The following DIAPH1 variants were observed in gnomAD, a reference collection of about 807,000 sequenced individuals.
DIAPH1 encodes the protein protein diaphanous homolog 1.
In DIAPH1, 46 loss-of-function variants were observed where a neutral mutation model predicts 140.7. That is an observed-to-expected ratio of 0.33 (90% CI 0.26 to 0.42). The LOEUF is 0.42. Among genes scored for constraint, DIAPH1 ranks in the 10% least tolerant of loss-of-function variants. The pLI is 1.00. For synonymous variants in DIAPH1, 565 were observed against 551.6 expected, an observed-to-expected ratio of 1.02 and a Z score of -0.34; for missense variants, 1,310 against 1,558.7, an observed-to-expected ratio of 0.84 and a Z score of 2.69.
intron 18 of DIAPH1, among the ~76,000 whole-genome samples, chr5:141,560,127 T>C (rs1315434921): frequency 2.0e-5 from 3 of 152,222 alleles, no homozygotes; most frequent in African/African-American, 7.2e-5. Flanking sequence ...GTATAGTTCA[T>C]TTGGATCAAG....
At chr5:141,560,422 T>G (rs926434693) in intron 18 of DIAPH1, among the ~76,000 whole-genome samples, 4 of 152,210 alleles carry the variant, frequency 2.6e-5, no homozygotes, top group African/African-American at 9.7e-5. Flanking sequence ...TCTGGCTTGG[T>G]GTTTACTTGC....
At chr5:141,567,535 T>G (rs184078053) in intron 18 of DIAPH1, among the ~76,000 whole-genome samples, 10 of 152,308 alleles carry the variant, frequency 6.6e-5, no homozygotes, top group Admixed American at 3.3e-4. Flanking sequence ...AGTCCTAATC[T>G]TACCGATTTG....
chr5:141,608,420 T>C (rs1030055460), intron 1 of DIAPH1, among the ~76,000 whole-genome samples: 6 of 152,380 alleles, frequency 3.9e-5, no homozygotes, highest in South Asian at 4.1e-4. Context: ...TTCCACTTAA[T>C]TCCCTCACTT....
At chr5:141,561,878 A>G (rs575007141) in intron 18 of DIAPH1, 2 of 152,334 alleles carry the variant, frequency 1.3e-5, no homozygotes, top group African/African-American at 4.8e-5. Context: ...CAGAACAAAA[A>G]CTGAAATGGA....
At chr5:141,575,773 G>T (rs942367111) in intron 14 of DIAPH1, among the ~76,000 whole-genome samples, 1 of 151,990 alleles carries the variant, frequency 6.6e-6, no homozygotes, top group African/African-American at 2.4e-5. Flanking sequence ...GGTATTTAAC[G>T]AGGACGACCA....
Position 141,525,953 on chromosome 5 carries a change from A to G in DIAPH1, c.3574+85T>C. The G allele has an allele frequency of 1.1e-5, 18 of 1,601,822 alleles. 1 individual carries two copies. In the South Asian group the frequency reaches 2.0e-4, roughly 18 times the overall value. ...ATCATTTGCCAGGAGGTGAGCTCAG[A>G]CATGAGACTCTGCCTCTAGACTCTA... is the stretch of plus-strand genomic sequence containing the variant. On this transcript the variant is annotated intron_variant, in intron 26 of 27. Coordinates refer to ENST00000389054, the MANE Select transcript of DIAPH1 (RefSeq NM_005219.5).
At chr5:141,593,815 C>T (rs914066712) in intron 1 of DIAPH1, among the ~76,000 whole-genome samples, 1 of 152,124 alleles carries the variant, frequency 6.6e-6, no homozygotes, top group Non-Finnish European at 1.5e-5. Flanking sequence ...GGAGCAAGAA[C>T]TTTCTTTTCT....
At chr5:141,591,288 C>T (rs2099898354) in intron 1 of DIAPH1, among the ~76,000 whole-genome samples, 1 of 152,074 alleles carries the variant, frequency 6.6e-6, no homozygotes, top group South Asian at 2.1e-4. Flanking sequence ...GTAAAAGGCA[C>T]TTGCCTGTCT....
chr5:141,520,811 G>A (rs1398875381), intron 27 of DIAPH1, among the ~76,000 whole-genome samples: 2 of 152,184 alleles, frequency 1.3e-5, no homozygotes, highest in African/African-American at 4.8e-5. Flanking sequence ...CACGCAGGCT[G>A]AGGGGAAACA....
At chr5:141,572,804 C>T (rs370597909) in intron 16 of DIAPH1, among the ~76,000 whole-genome samples, 1 of 151,916 alleles carries the variant, frequency 6.6e-6, no homozygotes, top group African/African-American at 2.4e-5. Flanking sequence ...TAACTCACAT[C>T]CTGCGGAATT....
chr5:141,598,376 G>T (rs1362398917), intron 1 of DIAPH1, among the ~76,000 whole-genome samples: 2 of 152,248 alleles, frequency 1.3e-5, no homozygotes, highest in East Asian at 3.9e-4. Flanking sequence ...TAATAGAATT[G>T]CATGTATTAA....
chr5:141,616,522 T>C (rs2099902702), intron 1 of DIAPH1, among the ~76,000 whole-genome samples: 1 of 152,066 alleles, frequency 6.6e-6, no homozygotes, highest in African/African-American at 2.4e-5. Flanking sequence ...ACACCAGCAA[T>C]CTCGCCCACT....
At chr5:141,530,313 C>T (rs917618144) in intron 19 of DIAPH1, among the ~76,000 whole-genome samples, 3 of 152,132 alleles carry the variant, frequency 2.0e-5, no homozygotes, top group African/African-American at 7.2e-5. Context: ...ATATCAGTTC[C>T]ACTCTGCCTT....
intron 18 of DIAPH1, chr5:141,560,534 A>G (rs1241630059): frequency 6.2e-6 from 1 of 162,572 alleles, no homozygotes; most frequent in South Asian, 1.5e-4. Flanking sequence ...TAATGTTTTG[A>G]TAATTGGAAA....
intron 1 of DIAPH1, among the ~76,000 whole-genome samples, chr5:141,588,467 A>AAAAAGG (rs2099897879): frequency 6.6e-6 from 1 of 150,824 alleles, no homozygotes; most frequent in African/African-American, 2.4e-5. Context: ...TATGACTCTT[A>AAAAAGG]AAAAGGAAAA....
chr5:141,537,911 A>G (rs2099889304), intron 18 of DIAPH1, among the ~76,000 whole-genome samples: 1 of 152,236 alleles, frequency 6.6e-6, no homozygotes, highest in Non-Finnish European at 1.5e-5. Context: ...GGTTTTCTTG[A>G]GACAGGGTCT....
intron 1 of DIAPH1, among the ~76,000 whole-genome samples, chr5:141,617,619 G>A (rs941052442): frequency 5.3e-5 from 8 of 152,052 alleles, no homozygotes; most frequent in African/African-American, 1.9e-4. Flanking sequence ...CTAGTGTAAG[G>A]GCATAAATAC....
chr5:141,576,454 G>A (rs1203626184), intron 13 of DIAPH1, among the ~76,000 whole-genome samples, 160 bp from the exon 14 acceptor site: 1 of 152,168 alleles, frequency 6.6e-6, no homozygotes, highest in Non-Finnish European at 1.5e-5. Context: ...AGTTCAACAT[G>A]TAATCTGAGT....
chr5:141,537,254 C>A (rs137869005), intron 18 of DIAPH1, among the ~76,000 whole-genome samples: 157 of 151,990 alleles, frequency 1.0e-3, no homozygotes, highest in African/African-American at 3.6e-3. Flanking sequence ...GAGGCTGAGG[C>A]GGGCGGATCA....
Sources: allele counts gnomAD v4.1 joint callset (sites outside exome capture counted in the v4.1 genomes callset), GRCh38; gene constraint gnomAD v4.1.1; transcripts MANE v1.5; gene names NCBI Gene and HGNC (gene_info 2026-07-23, HGNC 2026-07-21).